POFUT3: variants seen among roughly 807,000 people sequenced by gnomAD.
POFUT3 encodes the protein GDP-fucose protein O-fucosyltransferase 3.
At chr8:33,363,825 G>A in the POFUT3 span, among the ~76,000 whole-genome samples, 5 of 152,056 alleles carry the variant, frequency 3.3e-5, no homozygotes, top group Non-Finnish European at 7.4e-5. Context: ...ATTCACAGCC[G>A]AATTCTACCA....
At chr8:33,453,326 G>C in the POFUT3 span, 1 of 1,614,164 alleles carries the variant, frequency 6.2e-7, no homozygotes, top group East Asian at 2.2e-5. Flanking sequence ...CCCCGTCAGC[G>C]GGGACCACCA....
the POFUT3 span, among the ~76,000 whole-genome samples, chr8:33,326,460 C>A: frequency 6.6e-6 from 1 of 152,102 alleles, no homozygotes; most frequent in Non-Finnish European, 1.5e-5. Flanking sequence ...ACATATAGCT[C>A]ATTTAATTGA....
the POFUT3 span, among the ~76,000 whole-genome samples, chr8:33,417,322 A>C: frequency 6.6e-6 from 1 of 152,180 alleles, no homozygotes; most frequent in Non-Finnish European, 1.5e-5. Context: ...TTATTTCATT[A>C]TATATTACAA....
chr8:33,376,283 A>T, the POFUT3 span, among the ~76,000 whole-genome samples: 1 of 152,320 alleles, frequency 6.6e-6, no homozygotes, highest in South Asian at 2.1e-4. Flanking sequence ...TAGAATCTTC[A>T]TCCATTCCAA....
At chr8:33,349,648 G>C in the POFUT3 span, among the ~76,000 whole-genome samples, 1 of 152,174 alleles carries the variant, frequency 6.6e-6, no homozygotes, top group Non-Finnish European at 1.5e-5. Context: ...AGTCCATGGT[G>C]TATATGTACC....
At chr8:33,382,889 C>A in the POFUT3 span, among the ~76,000 whole-genome samples, 1 of 152,166 alleles carries the variant, frequency 6.6e-6, no homozygotes, top group Non-Finnish European at 1.5e-5. Context: ...GTACACCTCA[C>A]CTCCTTCCAT....
At chr8:33,320,779 C>A in the POFUT3 span, among the ~76,000 whole-genome samples, 1 of 152,072 alleles carries the variant, frequency 6.6e-6, no homozygotes, top group Non-Finnish European at 1.5e-5. Flanking sequence ...GACTTCATGG[C>A]AGCTGAGTTA....
At chr8:33,459,341 A>G in the POFUT3 span, among the ~76,000 whole-genome samples, 1 of 151,808 alleles carries the variant, frequency 6.6e-6, no homozygotes, top group East Asian at 1.9e-4. Flanking sequence ...ACTCCACTCA[A>G]AAAAAAAGTC....
At chr8:33,338,380 C>T in the POFUT3 span, among the ~76,000 whole-genome samples, 1 of 152,060 alleles carries the variant, frequency 6.6e-6, no homozygotes, top group Non-Finnish European at 1.5e-5. Context: ...GGGAGAAGCA[C>T]TTCCAAACTC....
At chr8:33,360,129 G>A in the POFUT3 span, among the ~76,000 whole-genome samples, 1 of 151,984 alleles carries the variant, frequency 6.6e-6, no homozygotes, top group African/African-American at 2.4e-5. Flanking sequence ...AAAGTACCTG[G>A]CACACAGGGG....
chr8:33,367,053 G>A, the POFUT3 span, among the ~76,000 whole-genome samples: 1 of 152,006 alleles, frequency 6.6e-6, no homozygotes, highest in Non-Finnish European at 1.5e-5. Flanking sequence ...AGACCAGCCT[G>A]GCCAACAAGG....
chr8:33,443,941 C>G, the POFUT3 span, among the ~76,000 whole-genome samples: 2 of 150,204 alleles, frequency 1.3e-5, no homozygotes, highest in African/African-American at 4.9e-5. Flanking sequence ...GCTTTGGCAA[C>G]ACAGTGAGAC....
chr8:33,464,765 C>A, the POFUT3 span, among the ~76,000 whole-genome samples: 28 of 151,920 alleles, frequency 1.8e-4, no homozygotes, highest in Non-Finnish European at 3.5e-4. Flanking sequence ...GGTGACAGAG[C>A]CAGGCCTGGT....
At chr8:33,337,848 G>A in the POFUT3 span, among the ~76,000 whole-genome samples, 1 of 152,198 alleles carries the variant, frequency 6.6e-6, no homozygotes, top group African/African-American at 2.4e-5. Flanking sequence ...CACAGTTCTA[G>A]AGGCTGGAAG....
the POFUT3 span, among the ~76,000 whole-genome samples, chr8:33,424,938 C>A: frequency 5.3e-5 from 8 of 152,134 alleles, no homozygotes; most frequent in Non-Finnish European, 8.8e-5. Context: ...GCAAAGTGAG[C>A]AAAATCAGAA....
chr8:33,413,680 C>G, the POFUT3 span, among the ~76,000 whole-genome samples: 1 of 152,182 alleles, frequency 6.6e-6, no homozygotes, highest in African/African-American at 2.4e-5. Context: ...ATTGCACCAA[C>G]TAAGTGGGAA....
At chr8:33,345,616 G>GT in the POFUT3 span, among the ~76,000 whole-genome samples, 1 of 151,328 alleles carries the variant, frequency 6.6e-6, no homozygotes, top group African/African-American at 2.4e-5. Context: ...GACCAGGCTG[G>GT]TTTCAAACTC....
the POFUT3 span, chr8:33,389,432 C>T: frequency 1.1e-5 from 18 of 1,614,070 alleles, no homozygotes; most frequent in East Asian, 4.5e-5. Flanking sequence ...GTCTTTGTTT[C>T]GTAAACATTC....
the POFUT3 span, among the ~76,000 whole-genome samples, chr8:33,472,497 G>A: frequency 1.3e-4 from 20 of 152,194 alleles, no homozygotes; most frequent in Non-Finnish European, 2.8e-4. Flanking sequence ...GATAACCCAG[G>A]CCTGCGGTTG....
Sources: allele counts gnomAD v4.1 joint callset (sites outside exome capture counted in the v4.1 genomes callset), GRCh38; gene constraint gnomAD v4.1.1; transcripts MANE v1.5; gene names NCBI Gene and HGNC (gene_info 2026-07-23, HGNC 2026-07-21).